Variants in CNTN2 observed in about 807,000 individuals in gnomAD.
The protein encoded by CNTN2 is contactin-2.
A neutral mutation model predicts 117.5 loss-of-function variants in CNTN2; 53 were observed. The ratio of observed to expected loss-of-function variants is 0.45; its 90% CI spans 0.36 to 0.57. The LOEUF is 0.57. CNTN2 is among the 20% of genes least tolerant of loss of function. The pLI, the probability that CNTN2 is intolerant of heterozygous loss-of-function variation, is 0.00. For missense variants in CNTN2, 1,106 were observed against 1,404.3 expected, an observed-to-expected ratio of 0.79 and a Z score of 3.39; for synonymous variants, 530 against 561.7, an observed-to-expected ratio of 0.94 and a Z score of 0.80.
At chr1:205,062,892 T>A (rs187966278) in intron 10 of CNTN2, 1 of 173,872 alleles carries the variant, frequency 5.8e-6, no homozygotes, top group Non-Finnish European at 1.2e-5. Flanking sequence ...CTTTGGCAAG[T>A]TACTTAGTGT....
chr1:205,070,570 G>T (rs756764632), intron 19 of CNTN2, 32 bp downstream of exon 19: 2 of 1,508,668 alleles, frequency 1.3e-6, no homozygotes, highest in Non-Finnish European at 1.8e-6. Context: ...GGGAGAGGAA[G>T]GGGTGCTGGG....
chr1:205,076,377 G>A lies in CNTN2; in HGVS notation c.*2612G>A, dbSNP rs1437974270. The stretch of plus-strand genomic sequence containing the variant: ...GCTAGAGTGACTTGTACATGAGCTT[G>A]CTTGCAGAAGACTAGATTAGATGTT... On this transcript the variant is annotated 3_prime_UTR_variant, in exon 23 of 23. Coordinates refer to ENST00000331830, the MANE Select transcript of CNTN2 (RefSeq NM_005076.5). 6.6e-6 allele frequency: 1 copy of A among 152,198 alleles called. No individual in the cohort carries two copies. Among genetic ancestry groups the A allele is most frequent in the Non-Finnish European group, 1.5e-5 (1 of 68,032 alleles). The allele number at this position is 152,198 out of a possible 1,614,324, so 9.4% of individuals were successfully genotyped here. A position where few individuals can be genotyped will look rare whatever the true frequency, so the allele number is the denominator to read the frequency against.
intron 1 of CNTN2, among the ~76,000 whole-genome samples, chr1:205,049,132 C>T (rs79038900): frequency 0.01 from 1,576 of 151,926 alleles, 38 homozygotes; most frequent in African/African-American, 0.036. Flanking sequence ...ATCCCTGGGC[C>T]GGATTATTCG....
Position 205,061,164 on chromosome 1 carries a change from A to G in CNTN2, c.798-81A>G. ...GCCCAGCATCTCAGGAGGGCCTGAG[A>G]GTCTGGGTATGAGGAGCTGCGGGCA... is the stretch of plus-strand genomic sequence containing the variant. On this transcript the variant is annotated intron_variant, in intron 7 of 22. Coordinates refer to ENST00000331830, the MANE Select transcript of CNTN2 (RefSeq NM_005076.5). This position sits in a 1 kb window ranked among gnomAD's most constrained non-coding sequence, Gnocchi z 4.8. 1.4e-6 allele frequency: 2 copies of G among 1,450,706 alleles called. No individual in the cohort carries two copies. Among genetic ancestry groups the G allele is most frequent in the South Asian group, 2.7e-5 (2 of 75,034 alleles). 89.9% of individuals were successfully genotyped at this position (1,450,706 alleles called of 1,614,324 possible). A position where few individuals can be genotyped will look rare whatever the true frequency, so the allele number is the denominator to read the frequency against.
Position 205,061,025 on chromosome 1 carries a change from G to T in CNTN2, c.798-220G>T. 9 of 527,212 alleles carry T rather than the reference G, an allele frequency of 1.7e-5. No individual in the cohort carries two copies. The South Asian group carries it at 2.1e-4, about 12-fold the overall frequency. 32.7% of individuals were successfully genotyped at this position (527,212 alleles called of 1,614,324 possible). A position where few individuals can be genotyped will look rare whatever the true frequency, so the allele number is the denominator to read the frequency against. ...CTGGCTCCAGGGTTGTTGCAGGGGG[G>T]ATGGGTAGAGCAGCCCTGCCTCTTG... On this transcript the variant is annotated intron_variant, in intron 7 of 22. Transcript: ENST00000331830. This position sits in a 1 kb window ranked among gnomAD's most constrained non-coding sequence, Gnocchi z 4.8.
Position 205,064,386 on chromosome 1 carries a change from G to A in CNTN2, c.1305G>A (p.Glu435=), listed in dbSNP as rs1426472299. ...RRLIPAARGG[E]ILIPCQPRAA... Reference sequence around the variant, plus strand: ...TGATCCCCGCGGCCCGCGGGGGAGAGATCCTTATCCCCTGCCAGCCCCGGG... The same window carrying A: ...TGATCCCCGCGGCCCGCGGGGGAGAAATCCTTATCCCCTGCCAGCCCCGGG... Residue 435 remains glutamate, a synonymous_variant, in exon 11 of 23, where the codon GAG becomes GAA. Transcript: ENST00000331830. 6.2e-7 allele frequency: 1 copy of A among 1,611,294 alleles called. No homozygotes were observed. The highest frequency in any genetic ancestry group is 8.5e-7 in the Non-Finnish European group (1 of 1,177,814).
intron 11 of CNTN2, 47 bp from the exon 12 acceptor site, chr1:205,064,576 G>A (rs766184126): frequency 1.9e-6 from 3 of 1,606,360 alleles, no homozygotes; most frequent in Middle Eastern, 1.7e-4. Context: ...CCAGCCCCAG[G>A]GACAACCATG....
At chr1:205,066,688 GAGGGCC>G in intron 15 of CNTN2, 89 bp downstream of exon 15, 1 of 1,468,632 alleles carries the variant, frequency 6.8e-7, no homozygotes, top group Non-Finnish European at 9.3e-7. Context: ...ATCGGGGTCT[GAGGGCC>G]AGGGCTGAGC....
At chr1:205,072,429 T>C in intron 20 of CNTN2, 54 bp from the exon 21 acceptor site, 1 of 1,465,850 alleles carries the variant, frequency 6.8e-7, no homozygotes, top group Non-Finnish European at 9.5e-7. Flanking sequence ...GGTGAGGGGG[T>C]GCGGGGTGCC....
intron 7 of CNTN2, chr1:205,060,870 C>A (rs979292380): frequency 9.4e-6 from 2 of 212,180 alleles, no homozygotes; most frequent in African/African-American, 2.3e-5. Context: ...GTAGAGGCAA[C>A]GGAAAAGAGA....
intron 17 of CNTN2, 47 bp from the exon 18 acceptor site, chr1:205,069,780 G>C (rs1437932413): frequency 5.7e-6 from 9 of 1,582,776 alleles, no homozygotes; most frequent in Non-Finnish European, 6.9e-6. Context: ...GAACGGGCAG[G>C]GACACATGCC....
In CNTN2 at chr1:205,070,824, C is replaced by T. The variant is rs554984383; in HGVS notation, c.2544+286C>T. On this transcript the variant is annotated intron_variant, in intron 19 of 22. Coordinates refer to ENST00000331830, the MANE Select transcript of CNTN2 (RefSeq NM_005076.5). ...CAGCCTGGCCAACATGGTGAAGCCC[C>T]GCCTCTACTAAAAATACAAAAATTA... The T allele has an allele frequency of 8.0e-4, 167 of 208,644 alleles. 1 individual carries two copies. Among genetic ancestry groups the T allele is most frequent in the African/African-American group, 3.5e-3 (151 of 42,928 alleles). 12.9% of individuals were successfully genotyped at this position (208,644 alleles called of 1,614,324 possible).
intron 16 of CNTN2, chr1:205,067,681 C>G (rs1030706106): frequency 6.5e-6 from 1 of 154,870 alleles, no homozygotes; most frequent in African/African-American, 2.4e-5. Flanking sequence ...AATCCCAGCA[C>G]TTTGGGAGGC....
chr1:205,044,461 G>GGGC (rs1029676242), intron 1 of CNTN2, among the ~76,000 whole-genome samples: 7 of 151,464 alleles, frequency 4.6e-5, no homozygotes, highest in African/African-American at 1.5e-4. Flanking sequence ...TGTGTCCTGG[G>GGGC]GGGGGGGGTC....
rs1654184527 is a variant in CNTN2, at chr1:205,064,712, T to C, written c.1481T>C (p.Met494Thr). The C allele has an allele frequency of 6.2e-7, 1 of 1,614,056 alleles. No individual in the cohort carries two copies. The highest frequency in any genetic ancestry group is 1.7e-5 in the Admixed American group (1 of 60,004). ...TACACCTGCTTTGCTGAGAACTTCA[T>C]GGGCAAAGCCAACAGCACTGGAATC... The part of the protein sequence containing the change: ...GKYTCFAENF[M>T]GKANSTGILS... Residue 494 changes from methionine to threonine, a missense_variant, in exon 12 of 23, where the codon ATG (methionine) becomes ACG (threonine). By Grantham distance (81) the Met-to-Thr change is moderately conservative. Coordinates refer to ENST00000331830, the MANE Select transcript of CNTN2 (RefSeq NM_005076.5).
At position 205,077,370 on chromosome 1, in the gene CNTN2, T is replaced by C. The variant is rs1456401779; in HGVS notation, c.*3605T>C. On this transcript the variant is annotated 3_prime_UTR_variant, in exon 23 of 23. Transcript: ENST00000331830. ...CTCTTCCCCAGCTACAGAGGAATCT[T>C]TTCTCTGCCTGGTCTCAGAATGGGA... 6.6e-6 allele frequency: 1 copy of C among 152,262 alleles called. No individual in the cohort carries two copies. Among genetic ancestry groups the C allele is most frequent in the Non-Finnish European group, 1.5e-5 (1 of 68,064 alleles). The allele number at this position is 152,262 out of a possible 1,614,324, so 9.4% of individuals were successfully genotyped here. A position where few individuals can be genotyped will look rare whatever the true frequency, so the allele number is the denominator to read the frequency against.
At chr1:205,066,257 C>A in intron 14 of CNTN2, 184 bp from the exon 15 acceptor site, 1 of 678,544 alleles carries the variant, frequency 1.5e-6, no homozygotes, top group Non-Finnish European at 2.4e-6. Flanking sequence ...TCCCTCCACC[C>A]AACAACTGGC....
chr1:205,062,590 G>A lies in CNTN2; in HGVS notation c.1240+21G>A, dbSNP rs574939411. 2.6e-5 allele frequency: 42 copies of A among 1,606,342 alleles called. No individual in the cohort carries two copies. The South Asian group carries it at 4.5e-4, about 17-fold the overall frequency. ...GCAAGGTAAGGGGCCCAGGGAGGCAGGGGACATCCCAAGGACATGCATATG... is the reference window on the plus strand; with the variant it reads ...GCAAGGTAAGGGGCCCAGGGAGGCAAGGGACATCCCAAGGACATGCATATG... On this transcript the variant is annotated intron_variant, in intron 10 of 22. Transcript: ENST00000331830.
rs147221220 is a variant in CNTN2 at position 205,068,258 on chromosome 1, T to A, written c.2125+1008T>A. 1.2e-4 allele frequency: 18 copies of A among 152,328 alleles called. 1 individual carries two copies. In the East Asian group the frequency reaches 3.5e-3, roughly 29 times the overall value. The allele number at this position is 152,328 out of a possible 1,614,324, so 9.4% of individuals were successfully genotyped here. On this transcript the variant is annotated intron_variant, in intron 16 of 22. Coordinates refer to ENST00000331830, the MANE Select transcript of CNTN2 (RefSeq NM_005076.5). ...AAGGCCTGGAATGAGAGCCCGGGGATCCTGGGACCAGGAGCATAGATTAAG... is the reference window on the plus strand; with the variant it reads ...AAGGCCTGGAATGAGAGCCCGGGGAACCTGGGACCAGGAGCATAGATTAAG...
Sources: gnomAD v4.1 joint callset for allele counts (sites outside exome capture counted in the v4.1 genomes callset) on GRCh38, gnomAD v4.1.1 for gene constraint, Gnocchi (gnomAD v3.1) non-coding constraint, MANE v1.5 for transcripts, NCBI Gene and HGNC (gene_info 2026-07-23, HGNC 2026-07-21) for gene names.